Variants in DERA observed in about 807,000 individuals in gnomAD.
The protein encoded by DERA is 2-deoxy-D-ribose 5-phosphate aldolase.
DERA carries 15 observed loss-of-function variants against 41.1 expected under a neutral mutation model. The ratio of observed to expected loss-of-function variants is 0.37; its 90% confidence interval spans 0.24 to 0.56. The LOEUF (loss-of-function observed/expected upper bound fraction) is 0.56, where lower values mean the gene tolerates loss of function less well. DERA is among the 20% of genes least tolerant of loss of function. The pLI, the probability that DERA is intolerant of heterozygous loss-of-function variation, is 0.81. For synonymous variants in DERA, 139 were observed against 137.4 expected (o/e 1.01, Z -0.08); for missense variants, 396 against 403.4 (o/e 0.98, Z 0.16).
At chr12:15,912,942 T>C (rs1166176948) in intron 1 of DERA, among the ~76,000 whole-genome samples, 2 of 152,230 alleles carry the variant, frequency 1.3e-5, no homozygotes, top group Non-Finnish European at 2.9e-5. Flanking sequence ...GTCCTATCTC[T>C]GGAACGTGGT....
At chr12:15,997,296 A>G (rs562468615) in intron 6 of DERA, among the ~76,000 whole-genome samples, 1 of 151,648 alleles carries the variant, frequency 6.6e-6, no homozygotes, top group Non-Finnish European at 1.5e-5. Flanking sequence ...GCATGGGTGA[A>G]TATTTCTTTA....
rs1204343164 is a variant in DERA, at chr12:15,913,331, G to A, written c.31+1917G>A. ...TTAAAATCAGATTTTTTTCCTTCAC[G>A]GGTATTAATCCTTAATCCAAACAGG... is the stretch of plus-strand genomic sequence containing the variant. On this transcript the variant is annotated intron_variant, in intron 1 of 8. Transcript: ENST00000428559. This position sits in a 1 kb window ranked among gnomAD's most constrained non-coding sequence, Gnocchi z 4.5. 6.6e-6 allele frequency among the ~76,000 whole-genome samples: 1 copy of A among 151,698 alleles called. No individual in the cohort carries two copies. Among genetic ancestry groups the A allele is most frequent in the Admixed American group, 6.6e-5 (1 of 15,236 alleles).
At chr12:15,949,272 G>A (rs915961753) in intron 1 of DERA, among the ~76,000 whole-genome samples, 6 of 152,288 alleles carry the variant, frequency 3.9e-5, no homozygotes, top group African/African-American at 1.4e-4. Context: ...GCTGCCTTTT[G>A]TTTGGCTATG....
chr12:15,919,899 T>G (rs888669332), intron 1 of DERA, among the ~76,000 whole-genome samples: 1 of 152,108 alleles, frequency 6.6e-6, no homozygotes, highest in South Asian at 2.1e-4. Context: ...GATTAACTGC[T>G]CTCATAATCC....
Position 15,922,227 on chromosome 12 carries a change from A to G in DERA, c.31+10813A>G, listed in dbSNP as rs570154396. Among the ~76,000 whole-genome samples the G allele has an allele frequency of 3.3e-5, 5 of 152,328 alleles. No homozygotes were observed. Among genetic ancestry groups the G allele is most frequent in the Admixed American group, 2.6e-4 (4 of 15,302 alleles). On this transcript the variant is annotated intron_variant, in intron 1 of 8. Transcript: ENST00000428559. This position sits in a 1 kb window ranked among gnomAD's most constrained non-coding sequence, Gnocchi z 4.9. ...GTACGCTGCCTTATTCTTGTCAAGG[A>G]AAGCAAACTGTGGCCATCATCAGGA...
Position 15,915,802 on chromosome 12 carries a change from T to G in DERA, c.31+4388T>G, listed in dbSNP as rs771711307. 9.2e-5 allele frequency among the ~76,000 whole-genome samples: 14 copies of G among 152,148 alleles called. No homozygotes were observed. Among genetic ancestry groups the G allele is most frequent in the Non-Finnish European group, 1.6e-4 (11 of 68,036 alleles). ...GTCCACAATGGCCCTGTGAGGGAGA[T>G]AGCATGATCCAGGTTTACACACGAG... is the stretch of plus-strand genomic sequence containing the variant. On this transcript the variant is annotated intron_variant, in intron 1 of 8. Transcript: ENST00000428559. This position sits in a 1 kb window ranked among gnomAD's most constrained non-coding sequence, Gnocchi z 4.8.
At chr12:16,005,636 C>T (rs920091273) in intron 6 of DERA, among the ~76,000 whole-genome samples, 1 of 152,162 alleles carries the variant, frequency 6.6e-6, no homozygotes, top group African/African-American at 2.4e-5. Context: ...GAATATACCC[C>T]TGCAAGCCAT....
chr12:15,958,125 T>C (rs751733121), intron 2 of DERA, 63 bp from the exon 3 acceptor site: 12 of 1,374,034 alleles, frequency 8.7e-6, no homozygotes, highest in African/African-American at 1.5e-5. Context: ...ACCACCTGGG[T>C]TGGAGGTTGG....
chr12:15,977,823 A>G (rs761522247), intron 5 of DERA, among the ~76,000 whole-genome samples: 6 of 152,252 alleles, frequency 3.9e-5, no homozygotes, highest in Non-Finnish European at 7.3e-5. Flanking sequence ...GGATGGTTAA[A>G]TAGCGTGTGG....
In DERA at chr12:16,009,538, C is replaced by T. The variant is rs1948934178; in HGVS notation, c.638-23004C>T. Among the ~76,000 whole-genome samples the T allele has an allele frequency of 6.6e-6, 1 of 152,156 alleles. No individual in the cohort carries two copies. The highest frequency in any genetic ancestry group is 1.5e-5 in the Non-Finnish European group (1 of 68,034). Reference sequence around the variant, plus strand: ...TAAACAGATCTCCAGCATATGTTGACACTGTTCACTGTCTCTAACCCAGTT... The same window carrying T: ...TAAACAGATCTCCAGCATATGTTGATACTGTTCACTGTCTCTAACCCAGTT... On this transcript the variant is annotated intron_variant, in intron 6 of 8. Transcript: ENST00000428559. This position sits in a 1 kb window ranked among gnomAD's most constrained non-coding sequence, Gnocchi z 5.3.
chr12:15,912,425 A>G (rs959017672), intron 1 of DERA, among the ~76,000 whole-genome samples: 2 of 152,142 alleles, frequency 1.3e-5, no homozygotes, highest in African/African-American at 4.8e-5. Flanking sequence ...AAACAGCAAA[A>G]CCATGATCAA....
chr12:16,027,437 T>G lies in DERA; in HGVS notation c.638-5105T>G, dbSNP rs537011997. Among the ~76,000 whole-genome samples the G allele has an allele frequency of 2.4e-4, 36 of 152,328 alleles. No individual in the cohort carries two copies. In the South Asian group the frequency reaches 7.5e-3, roughly 32 times the overall value. Reference sequence around the variant, plus strand: ...AGAGCTGTTGCAGGTGTGATTGATTTAAAGGTCTTGCAGTGAGGTGATCAT... The same window carrying G: ...AGAGCTGTTGCAGGTGTGATTGATTGAAAGGTCTTGCAGTGAGGTGATCAT... On this transcript the variant is annotated intron_variant, in intron 6 of 8. Coordinates refer to ENST00000428559, the MANE Select transcript of DERA (RefSeq NM_015954.4).
chr12:15,917,717 G>A (rs899748623), intron 1 of DERA, among the ~76,000 whole-genome samples: 2 of 152,170 alleles, frequency 1.3e-5, no homozygotes, highest in African/African-American at 4.8e-5. Context: ...GGACTGAAGT[G>A]GTTTTGTGGA....
At chr12:15,949,294 G>A (rs1948477233) in intron 1 of DERA, among the ~76,000 whole-genome samples, 1 of 152,172 alleles carries the variant, frequency 6.6e-6, no homozygotes, top group African/African-American at 2.4e-5. Context: ...CCTGCCCCTG[G>A]AAGTGGAGTC....
At position 15,915,441 on chromosome 12, in the gene DERA, A is replaced by ATATT. The variant is rs1053634701; in HGVS notation, c.31+4041_31+4044dup. On this transcript the variant is annotated intron_variant, in intron 1 of 8. Transcript: ENST00000428559. The surrounding 1 kb of genome is among the most constrained non-coding windows in gnomAD (Gnocchi z 4.8). ...AGTTAACGTTTAATTTTTGGAATGG[A>ATATT]TATTTATTTATTTATTTGTTTATTT... Among the ~76,000 whole-genome samples, 12 of 151,998 alleles carry ATATT rather than the reference A, an allele frequency of 7.9e-5. No homozygotes were observed. Among genetic ancestry groups the ATATT allele is most frequent in the Non-Finnish European group, 1.8e-4 (12 of 67,996 alleles).
Position 15,957,102 on chromosome 12 carries a change from A to C in DERA, c.129+69A>C, listed in dbSNP as rs376410058. 10 of 1,210,286 alleles carry C rather than the reference A, an allele frequency of 8.3e-6. No homozygotes were observed. The African/African-American group carries it at 1.5e-4, about 18-fold the overall frequency. The allele number at this position is 1,210,286 out of a possible 1,614,324, so 75.0% of individuals were successfully genotyped here. On this transcript the variant is annotated intron_variant, in intron 2 of 8. Transcript: ENST00000428559. This position sits in a 1 kb window ranked among gnomAD's most constrained non-coding sequence, Gnocchi z 4.8. ...CATGGTCTCTTCCCTCAAGGCCACA[A>C]TATTGAATTTCACTCAAGATGCATC...
chr12:16,019,648 TC>T lies in DERA; in HGVS notation c.638-12892del, dbSNP rs1216385932. Among the ~76,000 whole-genome samples, 1 of 152,212 alleles carries T rather than the reference TC, an allele frequency of 6.6e-6. No homozygotes were observed. The highest frequency in any genetic ancestry group is 1.5e-5 in the Non-Finnish European group (1 of 68,040). On this transcript the variant is annotated intron_variant, in intron 6 of 8. Coordinates refer to ENST00000428559, the MANE Select transcript of DERA (RefSeq NM_015954.4). This position sits in a 1 kb window ranked among gnomAD's most constrained non-coding sequence, Gnocchi z 4.4. ...GTGTTTCTTTTTATGGTGGTGTTCT[TC>T]CATGTGTGCCCTCTCATCTTTAAAT...
In DERA at chr12:15,921,542, A is replaced by G. The variant is rs1948244542; in HGVS notation, c.31+10128A>G. Among the ~76,000 whole-genome samples the G allele has an allele frequency of 1.3e-5, 2 of 152,152 alleles. No homozygotes were observed. The highest frequency in any genetic ancestry group is 4.8e-5 in the African/African-American group (2 of 41,430). ...TAACAATTCCTATTGTATTTGGTGA[A>G]GGAGCTCAAGATCTGTATATTGTGG... On this transcript the variant is annotated intron_variant, in intron 1 of 8. Transcript: ENST00000428559. This position sits in a 1 kb window ranked among gnomAD's most constrained non-coding sequence, Gnocchi z 5.3.
Position 15,971,491 on chromosome 12 carries a change from A to G in DERA, c.508+8544A>G, listed in dbSNP as rs535358176. Among the ~76,000 whole-genome samples the G allele has an allele frequency of 8.4e-4, 122 of 145,724 alleles. 4 individuals are homozygous for G. In the South Asian group the frequency reaches 0.026, roughly 31 times the overall value. On this transcript the variant is annotated intron_variant, in intron 5 of 8. Transcript: ENST00000428559. ...GGAGTTTTTCGTCACTGAAGAGGCC[A>G]TCTTTATATCTCAACTCTTTTTTTT...
Sources: gnomAD v4.1 joint callset for allele counts (sites outside exome capture counted in the v4.1 genomes callset) on GRCh38, gnomAD v4.1.1 for gene constraint, Gnocchi (gnomAD v3.1) non-coding constraint, MANE v1.5 for transcripts, NCBI Gene and HGNC (gene_info 2026-07-23, HGNC 2026-07-21) for gene names.